The following GALNT16 variants were observed in gnomAD, a reference collection of about 807,000 sequenced individuals.
GALNT16 encodes the protein polypeptide N-acetylgalactosaminyltransferase 16.
GALNT16 carries 40 observed loss-of-function variants against 76.1 expected under a neutral mutation model. The observed-to-expected ratio is 0.53, with a 90% CI of 0.41 to 0.68. The LOEUF (loss-of-function observed/expected upper bound fraction) is 0.68, where lower values mean the gene tolerates loss of function less well. Ranked by LOEUF, GALNT16 falls within the 30% of genes least tolerant of loss-of-function variation. The probability of loss-of-function intolerance (pLI) is 0.00; values close to 1 mark genes in which losing one functional copy is unlikely to be tolerated. For synonymous variants in GALNT16, 276 were observed against 285.2 expected (o/e 0.97, Z 0.32); for missense variants, 621 against 731.9 (o/e 0.85, Z 1.75).
At chr14:69,265,251 C>T (rs973536661) in intron 1 of GALNT16, among the ~76,000 whole-genome samples, 3 of 152,116 alleles carry the variant, frequency 2.0e-5, no homozygotes, top group Non-Finnish European at 4.4e-5. Context: ...GCTGGCAGCC[C>T]GAGAGTTACC....
At chr14:69,297,257 A>G (rs2044780889) in intron 1 of GALNT16, among the ~76,000 whole-genome samples, 1 of 152,246 alleles carries the variant, frequency 6.6e-6, no homozygotes, top group African/African-American at 2.4e-5. Flanking sequence ...CTCCCAGCAG[A>G]CGTATACACT....
intron 1 of GALNT16, among the ~76,000 whole-genome samples, chr14:69,309,274 T>C (rs72722162): frequency 0.041 from 6,262 of 151,762 alleles, 187 homozygotes; most frequent in Non-Finnish European, 0.064. Context: ...CGTTTCATCT[T>C]TCTTTCTTTC....
intron 1 of GALNT16, among the ~76,000 whole-genome samples, chr14:69,278,099 C>T (rs534296491): frequency 6.6e-6 from 1 of 151,796 alleles, no homozygotes; most frequent in Non-Finnish European, 1.5e-5. Flanking sequence ...ACCTCCAACT[C>T]CTGGGCTCAA....
Position 69,304,629 on chromosome 14 carries a change from A to G in GALNT16, c.178-16082A>G, listed in dbSNP as rs184899302. Among the ~76,000 whole-genome samples, 35 of 152,282 alleles carry G rather than the reference A, an allele frequency of 2.3e-4. No individual in the cohort carries two copies. In the East Asian group the frequency reaches 4.8e-3, roughly 21 times the overall value. ...CCCCATTTCCTTTACACCTCCCCCAATAGCCCCTGGCAACCATGAATCTGA... is the reference window on the plus strand; with the variant it reads ...CCCCATTTCCTTTACACCTCCCCCAGTAGCCCCTGGCAACCATGAATCTGA... On this transcript the variant is annotated intron_variant, in intron 1 of 14. Transcript: ENST00000448469.
chr14:69,260,041 C>T, upstream of GALNT16: 1 of 423,452 alleles, frequency 2.4e-6, no homozygotes, highest in Non-Finnish European at 4.3e-6. Context: ...GCCGGCCCTG[C>T]GCACGAATGA....
intron 1 of GALNT16, among the ~76,000 whole-genome samples, chr14:69,275,616 G>A (rs773063007): frequency 4.6e-5 from 7 of 152,230 alleles, no homozygotes; most frequent in Non-Finnish European, 8.8e-5. Flanking sequence ...CAGCACTTGG[G>A]GAGACTGAGG....
chr14:69,383,271 T>C, the GALNT16 span, among the ~76,000 whole-genome samples: 1 of 152,250 alleles, frequency 6.6e-6, no homozygotes, highest in East Asian at 1.9e-4. Flanking sequence ...GCTCTGGGTT[T>C]AGTCATGTTA....
At chr14:69,370,496 A>G in the GALNT16 span, among the ~76,000 whole-genome samples, 4 of 152,188 alleles carry the variant, frequency 2.6e-5, no homozygotes, top group Admixed American at 2.6e-4. Flanking sequence ...CTTTAGCACT[A>G]CCGCTATGCA....
chr14:69,302,164 T>C (rs906012928), intron 1 of GALNT16, among the ~76,000 whole-genome samples: 4 of 152,190 alleles, frequency 2.6e-5, no homozygotes, highest in African/African-American at 7.2e-5. Context: ...GAATTAATGA[T>C]GTTAAAGTAT....
At chr14:69,370,974 G>A in the GALNT16 span, among the ~76,000 whole-genome samples, 1 of 152,208 alleles carries the variant, frequency 6.6e-6, no homozygotes, top group Admixed American at 6.5e-5. Context: ...TCTTGAAATA[G>A]CTTGATACAA....
chr14:69,345,703 A>AGTGTGTGTGT (rs55871607), intron 12 of GALNT16, among the ~76,000 whole-genome samples: 3,230 of 134,996 alleles, frequency 0.024, 111 homozygotes, highest in East Asian at 0.056. Context: ...ATAAGGTGTC[A>AGTGTGTGTGT]GTGTGTGTGT....
intron 1 of GALNT16, among the ~76,000 whole-genome samples, chr14:69,274,738 C>T (rs921252019): frequency 3.3e-5 from 5 of 152,142 alleles, no homozygotes; most frequent in African/African-American, 7.2e-5. Flanking sequence ...GAGACTGCTG[C>T]GGCTGCTGGT....
chr14:69,346,229 G>A (rs568442861), intron 12 of GALNT16, among the ~76,000 whole-genome samples: 62 of 152,204 alleles, frequency 4.1e-4, no homozygotes, highest in Non-Finnish European at 7.4e-4. Context: ...GTTTTCTATC[G>A]TATGGATGAA....
intron 1 of GALNT16, among the ~76,000 whole-genome samples, chr14:69,285,198 G>A (rs2044595539): frequency 1.3e-5 from 2 of 151,866 alleles, no homozygotes; most frequent in African/African-American, 2.4e-5. Flanking sequence ...CCGCTACCAC[G>A]CCCGGCTAAT....
At position 69,320,728 on chromosome 14, in the gene GALNT16, G is replaced by T; in HGVS notation, c.195G>T (p.Ser65=). The T allele has an allele frequency of 6.2e-7, 1 of 1,613,940 alleles. No homozygotes were observed. The highest frequency in any genetic ancestry group is 8.5e-7 in the Non-Finnish European group (1 of 1,179,918). Reference sequence around the variant, plus strand: ...CATCTCAGGTGACAGGAACTCCCTCGAAAGGCTTTGATGAGAAGGCCTACC... The same window carrying T: ...CATCTCAGGTGACAGGAACTCCCTCTAAAGGCTTTGATGAGAAGGCCTACC... ...TIPLIVTGTP[S]KGFDEKAYLS... The change falls in exon 2 of 15, where the codon TCG becomes TCT. Residue 65 remains serine, a synonymous_variant. Transcript: ENST00000448469.
At chr14:69,312,093 C>CTATCTATCTATCTA (rs1387455835) in intron 1 of GALNT16, among the ~76,000 whole-genome samples, 1 of 148,330 alleles carries the variant, frequency 6.7e-6, no homozygotes, top group Non-Finnish European at 1.5e-5. Flanking sequence ...ATCTATCTAT[C>CTATCTATCTATCTA]TATCTATCTA....
chr14:69,292,355 G>T (rs1252740388), intron 1 of GALNT16, among the ~76,000 whole-genome samples: 1 of 152,232 alleles, frequency 6.6e-6, no homozygotes, highest in Non-Finnish European at 1.5e-5. Flanking sequence ...TGAGACAGAG[G>T]GGAAAAGGTG....
In GALNT16 at chr14:69,339,613, T is replaced by G. The variant is rs1252060508; in HGVS notation, c.1181T>G (p.Phe394Cys). ...EARPSAIGKA[F>C]GSVATRIEQR... The stretch of plus-strand genomic sequence containing the variant: ...CGGCCCTCGGCCATCGGGAAGGCCT[T>G]CGGCAGGTGGGCCCCCCCAGCTCCA... The change falls in exon 11 of 15, where the codon TTC (phenylalanine) becomes TGC (cysteine). Residue 394 changes from phenylalanine (F) to cysteine (C), a missense_variant. Coordinates refer to ENST00000448469, the MANE Select transcript of GALNT16 (RefSeq NM_001168368.2). 6.3e-7 allele frequency: 1 copy of G among 1,593,532 alleles called. No homozygotes were observed. Among genetic ancestry groups the G allele is most frequent in the African/African-American group, 1.3e-5 (1 of 74,428 alleles).
chr14:69,345,205 C>T lies in GALNT16; in HGVS notation c.1272-1835C>T, dbSNP rs746923539. 7.2e-5 allele frequency among the ~76,000 whole-genome samples: 11 copies of T among 152,190 alleles called. No individual in the cohort carries two copies. In the South Asian group the frequency reaches 8.3e-4, roughly 11 times the overall value. The stretch of plus-strand genomic sequence containing the variant: ...TTCAATATTGCCAACTAATTAAAAG[C>T]AACAACCACCACGCTATGCAGGTCA... On this transcript the variant is annotated intron_variant, in intron 12 of 14. Transcript: ENST00000448469.
Sources: gnomAD v4.1 joint callset for allele counts (sites outside exome capture counted in the v4.1 genomes callset) on GRCh38, gnomAD v4.1.1 for gene constraint, MANE v1.5 for transcripts, NCBI Gene and HGNC (gene_info 2026-07-23, HGNC 2026-07-21) for gene names.